The following RCL1 variants were observed in gnomAD, a reference collection of about 807,000 sequenced individuals.
RCL1 encodes RNA 3'-terminal phosphate cyclase-like protein.
Under a neutral mutation model 42.4 loss-of-function variants are expected in RCL1, and 24 were observed. The ratio of observed to expected loss-of-function variants is 0.57; its 90% CI spans 0.41 to 0.80. The LOEUF (loss-of-function observed/expected upper bound fraction) is 0.80. Among genes scored for constraint, RCL1 ranks in the 30% least tolerant of loss-of-function variants. RCL1 has a pLI of 0.00. For synonymous variants in RCL1, 228 were observed against 177.3 expected, an observed-to-expected ratio of 1.29 and a Z score of -2.27; for missense variants, 578 against 467.9, an observed-to-expected ratio of 1.24 and a Z score of -2.17.
intron 3 of RCL1, among the ~76,000 whole-genome samples, chr9:4,829,011 C>T (rs1283088074): frequency 6.6e-6 from 1 of 152,154 alleles, no homozygotes; most frequent in Non-Finnish European, 1.5e-5. Context: ...TTTGTGGTTT[C>T]CTCATTAGTT....
rs15583 is a variant in RCL1, at chr9:4,860,300, A to G, written c.*25A>G. The G allele has an allele frequency of 0.68, 1,094,953 of 1,607,502 alleles. 375,541 individuals are homozygous for G. The highest frequency in any genetic ancestry group is 0.71 in the Middle Eastern group (4,319 of 6,050). On this transcript the variant is annotated 3_prime_UTR_variant, in exon 9 of 9. Transcript: ENST00000381750. ...ATAACCATCACAAGATAAGGCCCCAATGCCTACAGACAAAGCAGAAGCTGC... is the reference window on the plus strand; with the variant it reads ...ATAACCATCACAAGATAAGGCCCCAGTGCCTACAGACAAAGCAGAAGCTGC...
intron 1 of RCL1, among the ~76,000 whole-genome samples, 180 bp from the exon 2 acceptor site, chr9:4,823,368 A>C (rs1182979716): frequency 6.6e-6 from 1 of 150,716 alleles, no homozygotes; most frequent in Non-Finnish European, 1.5e-5. Context: ...AGTGCTTTTC[A>C]ACTGCGTCAG....
intron 8 of RCL1, among the ~76,000 whole-genome samples, chr9:4,851,588 A>C (rs7865656): frequency 6.6e-6 from 1 of 152,162 alleles, no homozygotes; most frequent in Non-Finnish European, 1.5e-5. Flanking sequence ...GAGGACCATC[A>C]TGGTGGGGGA....
chr9:4,807,637 A>T (rs1268275972), intron 1 of RCL1, among the ~76,000 whole-genome samples: 1 of 152,170 alleles, frequency 6.6e-6, no homozygotes, highest in Non-Finnish European at 1.5e-5. Flanking sequence ...CTCCTGCCTC[A>T]GCCTCCTGAG....
intron 5 of RCL1, among the ~76,000 whole-genome samples, chr9:4,834,702 T>G (rs1219481515): frequency 6.6e-6 from 1 of 150,938 alleles, no homozygotes; most frequent in Non-Finnish European, 1.5e-5. Context: ...AGTGGTCAAT[T>G]TTGTCTGGAG....
At chr9:4,794,115 C>G (rs1303777136) in intron 1 of RCL1, among the ~76,000 whole-genome samples, 1 of 152,216 alleles carries the variant, frequency 6.6e-6, no homozygotes, top group African/African-American at 2.4e-5. Context: ...AGGAAAAAAC[C>G]TGTCTGTAAA....
chr9:4,847,000 C>T lies in RCL1; in HGVS notation c.867+2319C>T, dbSNP rs1012864628. 3.3e-5 allele frequency among the ~76,000 whole-genome samples: 5 copies of T among 151,790 alleles called. No individual in the cohort carries two copies. In the South Asian group the frequency reaches 8.3e-4, roughly 25 times the overall value. On this transcript the variant is annotated intron_variant, in intron 7 of 8. Coordinates refer to ENST00000381750, the MANE Select transcript of RCL1 (RefSeq NM_005772.5). ...TTCTGGGTTCAAGTGATCTTCCTGC[C>T]TTAGCCTCCCATGTAGCTGGAGGCA... is the stretch of plus-strand genomic sequence containing the variant.
intron 8 of RCL1, among the ~76,000 whole-genome samples, chr9:4,858,727 A>G (rs1324877308): frequency 2.2e-5 from 3 of 137,498 alleles, no homozygotes; most frequent in African/African-American, 8.2e-5. Context: ...AAAGCTCCTT[A>G]GGTTATTCCA....
intron 1 of RCL1, among the ~76,000 whole-genome samples, chr9:4,796,308 C>T (rs1842913154): frequency 6.6e-6 from 1 of 152,160 alleles, no homozygotes; most frequent in Non-Finnish European, 1.5e-5. Flanking sequence ...GTTCAGCTCC[C>T]ACTTATAAGT....
At chr9:4,858,265 A>T (rs975361741) in intron 8 of RCL1, among the ~76,000 whole-genome samples, 1 of 152,164 alleles carries the variant, frequency 6.6e-6, no homozygotes, top group Non-Finnish European at 1.5e-5. Flanking sequence ...TTTATCAGAT[A>T]TATGACTTGC....
At chr9:4,823,712 G>T (rs371236892) in intron 2 of RCL1, 93 bp downstream of exon 2, 1 of 801,692 alleles carries the variant, frequency 1.2e-6, no homozygotes, top group Non-Finnish European at 2.0e-6. Flanking sequence ...TTTCTAGTCA[G>T]TCTCTGCTTA....
At position 4,802,228 on chromosome 9, in the gene RCL1, A is replaced by G. The variant is rs58122838; in HGVS notation, c.136+9001A>G. ...GTGTGAGCCACAGCTCCTGGCCAGT[A>G]TATCACACAGTCTTGATTACTTACT... On this transcript the variant is annotated intron_variant, in intron 1 of 8. Transcript: ENST00000381750. Among the ~76,000 whole-genome samples the G allele has an allele frequency of 1.7e-4, 26 of 152,138 alleles. No homozygotes were observed. In the East Asian group the frequency reaches 3.5e-3, roughly 20 times the overall value.
Position 4,830,228 on chromosome 9 carries a change from C to T in RCL1, c.385-2926C>T, listed in dbSNP as rs555226756. On this transcript the variant is annotated intron_variant, in intron 3 of 8. Transcript: ENST00000381750. Reference sequence around the variant, plus strand: ...ATAAGGACAGGAACAGACTGAGGAACGAGTAGGAACTAGAGCTATTGGAAA... The same window carrying T: ...ATAAGGACAGGAACAGACTGAGGAATGAGTAGGAACTAGAGCTATTGGAAA... Among the ~76,000 whole-genome samples, 46 of 152,184 alleles carry T rather than the reference C, an allele frequency of 3.0e-4. 1 individual carries two copies. In the South Asian group the frequency reaches 9.1e-3, roughly 30 times the overall value.
At chr9:4,853,910 C>G (rs1297820094) in intron 8 of RCL1, among the ~76,000 whole-genome samples, 3 of 152,080 alleles carry the variant, frequency 2.0e-5, no homozygotes, top group Non-Finnish European at 4.4e-5. Context: ...GCCCACTCAG[C>G]CTAAAGCTCA....
intron 8 of RCL1, among the ~76,000 whole-genome samples, chr9:4,855,770 G>C (rs1435741507): frequency 6.6e-6 from 1 of 152,136 alleles, no homozygotes; most frequent in Non-Finnish European, 1.5e-5. Flanking sequence ...GTCTTCCTTG[G>C]ACAGGCTGAG....
intron 1 of RCL1, among the ~76,000 whole-genome samples, chr9:4,821,728 C>T (rs904252089): frequency 6.6e-6 from 1 of 152,182 alleles, no homozygotes; most frequent in African/African-American, 2.4e-5. Flanking sequence ...GATCCTCCCA[C>T]CTCAGCCTCC....
intron 5 of RCL1, among the ~76,000 whole-genome samples, chr9:4,836,252 A>G (rs750653560): frequency 1.9e-4 from 29 of 152,148 alleles, no homozygotes; most frequent in Non-Finnish European, 2.5e-4. Context: ...GGGAGGACCA[A>G]TTTCATCCAA....
intron 3 of RCL1, among the ~76,000 whole-genome samples, chr9:4,827,579 G>T (rs1226632132): frequency 2.0e-5 from 3 of 152,130 alleles, no homozygotes; most frequent in East Asian, 1.9e-4. Flanking sequence ...GCAAGCTTTT[G>T]ATTTTTATTT....
At chr9:4,828,747 C>T (rs566248197) in intron 3 of RCL1, among the ~76,000 whole-genome samples, 1 of 151,986 alleles carries the variant, frequency 6.6e-6, no homozygotes, top group East Asian at 1.9e-4. Context: ...AAAAGCTTTT[C>T]TCACTGGCAA....
Sources: gnomAD v4.1 joint callset for allele counts (sites outside exome capture counted in the v4.1 genomes callset) on GRCh38, gnomAD v4.1.1 for gene constraint, MANE v1.5 for transcripts, NCBI Gene and HGNC (gene_info 2026-07-23, HGNC 2026-07-21) for gene names.